POM121: variants seen among roughly 807,000 people sequenced by gnomAD.
POM121 encodes POM121 transmembrane nucleoporin, also known as nuclear envelope pore membrane protein POM 121.
A neutral mutation model predicts 81.3 loss-of-function variants in POM121; 32 were observed. The ratio of observed to expected loss-of-function variants is 0.39; its 90% CI spans 0.30 to 0.53. The LOEUF is 0.53. POM121 is among the 20% of genes least tolerant of loss of function. The pLI is 0.66. For synonymous variants in POM121, 514 were observed against 694.2 expected (o/e 0.74, Z 4.08); for missense variants, 1,138 against 1,614.6 (o/e 0.70, Z 5.06).
chr7:72,916,706 T>G (rs1338280346), intron 4 of POM121, among the ~76,000 whole-genome samples: 15 of 152,226 alleles, frequency 9.9e-5, no homozygotes, highest in Non-Finnish European at 1.2e-4. Flanking sequence ...GTGAAGAAAG[T>G]CAGTGGTAGC....
intron 5 of POM121, among the ~76,000 whole-genome samples, chr7:72,934,632 TA>T (rs1387618417): frequency 2.0e-5 from 3 of 152,206 alleles, no homozygotes; most frequent in African/African-American, 7.2e-5. Context: ...TGTAAATCCA[TA>T]AACCACCTGA....
intron 3 of POM121, among the ~76,000 whole-genome samples, chr7:72,901,282 A>G (rs1327567516): frequency 1.4e-4 from 19 of 139,200 alleles, no homozygotes; most frequent in Non-Finnish European, 2.6e-4. Context: ...TGGTGTGATT[A>G]TAGCTCTCTG....
chr7:72,950,231 G>C (rs1255972172), downstream of POM121: 6 of 1,604,910 alleles, frequency 3.7e-6, no homozygotes, highest in South Asian at 1.1e-5. Flanking sequence ...ATCATTTCCT[G>C]AATTTCTCCC....
intron 3 of POM121, among the ~76,000 whole-genome samples, chr7:72,893,523 G>T (rs1554491215): frequency 6.6e-6 from 1 of 152,098 alleles, no homozygotes; most frequent in Non-Finnish European, 1.5e-5. Context: ...GGCAGAGCTT[G>T]CAGTGAGCGG....
chr7:72,925,114 G>C lies in POM121; in HGVS notation c.-8G>C. The C allele has an allele frequency of 7.1e-7, 1 of 1,407,290 alleles. No homozygotes were observed. Among genetic ancestry groups the C allele is most frequent in the African/African-American group, 1.5e-5 (1 of 65,818 alleles). 87.2% of individuals were successfully genotyped at this position (1,407,290 alleles called of 1,614,324 possible). A position where few individuals can be genotyped will look rare whatever the true frequency, so the allele number is the denominator to read the frequency against. On this transcript the variant is annotated 5_prime_UTR_variant, in exon 1 of 13. Coordinates refer to ENST00000434423, the MANE Select transcript of POM121 (RefSeq NM_001387691.1). ...ATATTTAAGTCTCCTCCGCGGCGCG[G>C]AGCCGCGATGTCTCCGGCGGCTGCG...
intron 3 of POM121, among the ~76,000 whole-genome samples, chr7:72,897,934 G>A (rs1344294053): frequency 4.6e-5 from 7 of 152,130 alleles, no homozygotes; most frequent in African/African-American, 4.8e-5. Context: ...TGAGAGAATC[G>A]CTTTAGCCTG....
intron 1 of POM121, among the ~76,000 whole-genome samples, chr7:72,887,903 T>G (rs1790895000): frequency 6.6e-6 from 1 of 152,232 alleles, no homozygotes; most frequent in Non-Finnish European, 1.5e-5. Flanking sequence ...TTTTTCTTTC[T>G]GTTTTTGATT....
At chr7:72,901,807 T>C (rs1167599298) in intron 3 of POM121, among the ~76,000 whole-genome samples, 2 of 149,018 alleles carry the variant, frequency 1.3e-5, no homozygotes, top group South Asian at 2.3e-4. Flanking sequence ...CCAGTCCATA[T>C]ACCATTTTAA....
intron 3 of POM121, among the ~76,000 whole-genome samples, chr7:72,892,596 C>T (rs71560458): frequency 4.0e-4 from 61 of 152,096 alleles, no homozygotes; most frequent in African/African-American, 1.2e-3. Flanking sequence ...TTTCACTTGC[C>T]GAGATAATAC....
chr7:72,902,209 G>A (rs1792727986), intron 3 of POM121, among the ~76,000 whole-genome samples: 1 of 148,720 alleles, frequency 6.7e-6, no homozygotes, highest in Non-Finnish European at 1.5e-5. Context: ...ATTCAAAATA[G>A]TCTGGTGAAT....
At position 72,940,811 on chromosome 7, in the gene POM121, TCTTA is replaced by T; in HGVS notation, c.1667-5_1667-2del. On this transcript the variant is annotated splice_acceptor_variant and splice_polypyrimidine_tract_variant and intron_variant, in intron 9 of 12. Transcript: ENST00000434423. LOFTEE classifies it high-confidence loss of function. The stretch of plus-strand genomic sequence containing the variant: ...CAGGACTGCTTCACCTTTCTTTCTT[TCTTA>T]GATGCTGCCTCGAACTCTGTCACTG... The T allele has an allele frequency of 8.2e-7, 1 of 1,214,724 alleles. No homozygotes were observed. Among genetic ancestry groups the T allele is most frequent in the Non-Finnish European group, 1.2e-6 (1 of 843,972 alleles). 75.2% of individuals were successfully genotyped at this position (1,214,724 alleles called of 1,614,324 possible).
intron 3 of POM121, among the ~76,000 whole-genome samples, chr7:72,898,862 G>A (rs370806340): frequency 2.0e-5 from 3 of 151,622 alleles, no homozygotes; most frequent in South Asian, 2.1e-4. Flanking sequence ...CTTAAGAAAC[G>A]GGATGAGATA....
intron 3 of POM121, among the ~76,000 whole-genome samples, chr7:72,927,988 T>C (rs1554497878): frequency 6.6e-6 from 1 of 152,046 alleles, no homozygotes; most frequent in African/African-American, 2.4e-5. Context: ...GGAGGATCGC[T>C]GGAGCCCAGT....
intron 5 of POM121, among the ~76,000 whole-genome samples, chr7:72,930,749 T>C (rs1388324514): frequency 6.6e-6 from 1 of 152,100 alleles, no homozygotes; most frequent in African/African-American, 2.4e-5. Context: ...ATCCCATCAC[T>C]TTGGGAGGTC....
downstream of POM121, chr7:72,948,693 C>T (rs1797877689): frequency 6.3e-7 from 1 of 1,595,938 alleles, no homozygotes; most frequent in Non-Finnish European, 8.6e-7. Flanking sequence ...CGTTCAATTA[C>T]AGCAACGAAG....
At chr7:72,912,689 G>C (rs537495689) in intron 3 of POM121, among the ~76,000 whole-genome samples, 1 of 152,136 alleles carries the variant, frequency 6.6e-6, no homozygotes, top group African/African-American at 2.4e-5. Context: ...TGAGGCAGGG[G>C]AATCGCTTGA....
At chr7:72,902,152 C>T (rs569166434) in intron 3 of POM121, among the ~76,000 whole-genome samples, 4 of 151,556 alleles carry the variant, frequency 2.6e-5, no homozygotes, top group African/African-American at 7.2e-5. Flanking sequence ...AGGATAGTTT[C>T]ATCTACCTGT....
chr7:72,925,909 C>A, intron 1 of POM121, 144 bp downstream of exon 1: 1 of 1,052,968 alleles, frequency 9.5e-7, no homozygotes, highest in Non-Finnish European at 1.3e-6. Context: ...TTGGTGTGTG[C>A]CAGCTGTCTC....
rs1554497093 is a variant in POM121, at chr7:72,925,584, G to T, written c.463G>T (p.Gly155Cys). Reference sequence around the variant, plus strand: ...GCCGCAGCCCGCCGCCGCTCCGGAGGGCCAGGACCTGCGGGATAGGCCTGG... The same window carrying T: ...GCCGCAGCCCGCCGCCGCTCCGGAGTGCCAGGACCTGCGGGATAGGCCTGG... The part of the protein sequence containing the change: ...GPPQPAAAPE[G>C]QDLRDRPGRR... Residue 155 changes from glycine (G) to cysteine (C), a missense_variant, in exon 1 of 13, where the codon GGC (glycine) becomes TGC (cysteine). This residue lies in a region of POM121 where 646 missense variants were observed against 633.5 expected (regional missense o/e 1.02). Transcript: ENST00000434423. 6 of 1,530,230 alleles carry T rather than the reference G, an allele frequency of 3.9e-6. No homozygotes were observed. Among genetic ancestry groups the T allele is most frequent in the Non-Finnish European group, 5.2e-6 (6 of 1,145,276 alleles). 94.8% of individuals were successfully genotyped at this position (1,530,230 alleles called of 1,614,324 possible).
Sources: allele counts gnomAD v4.1 joint callset (sites outside exome capture counted in the v4.1 genomes callset), GRCh38; gene constraint gnomAD v4.1.1; regional missense constraint gnomAD v4.1.1; transcripts MANE v1.5; gene names NCBI Gene and HGNC (gene_info 2026-07-23, HGNC 2026-07-21).